GRIK1: variants seen among roughly 807,000 people sequenced by gnomAD.
The protein encoded by GRIK1 is glutamate receptor ionotropic, kainate 1.
A neutral mutation model predicts 105.7 loss-of-function variants in GRIK1; 69 were observed. That is an observed-to-expected ratio of 0.65 (90% CI 0.54 to 0.80). The LOEUF (loss-of-function observed/expected upper bound fraction) is 0.80. Among genes scored for constraint, GRIK1 ranks in the 30% least tolerant of loss-of-function variants. The probability of loss-of-function intolerance (pLI) is 0.00; values close to 1 mark genes in which losing one functional copy is unlikely to be tolerated. For synonymous variants in GRIK1, 438 were observed against 431.3 expected (o/e 1.02, Z -0.19); for missense variants, 1,109 against 1,167.3 (o/e 0.95, Z 0.73).
chr21:29,574,973 C>T (rs549479520), intron 14 of GRIK1, among the ~76,000 whole-genome samples: 6 of 151,944 alleles, frequency 3.9e-5, no homozygotes, highest in Non-Finnish European at 7.4e-5. Context: ...GGATTACAAG[C>T]GTGAGCCACC....
intron 1 of GRIK1, among the ~76,000 whole-genome samples, chr21:29,732,109 C>A (rs77640510): frequency 6.6e-6 from 1 of 152,086 alleles, no homozygotes; most frequent in South Asian, 2.1e-4. Context: ...ACTCTTTGAA[C>A]GACCGTTGTA....
intron 7 of GRIK1, among the ~76,000 whole-genome samples, chr21:29,620,122 A>G (rs895694590): frequency 1.3e-5 from 2 of 152,228 alleles, no homozygotes; most frequent in Admixed American, 6.5e-5. Flanking sequence ...TATAAAGCCT[A>G]TGATGTTAAG....
intron 1 of GRIK1, among the ~76,000 whole-genome samples, chr21:29,872,251 T>G (rs2069043182): frequency 6.8e-6 from 1 of 147,386 alleles, no homozygotes; most frequent in African/African-American, 2.5e-5. Context: ...TGGAGTGCAG[T>G]GGTGCGATCT....
chr21:29,587,799 A>T (rs1430738165), intron 11 of GRIK1, among the ~76,000 whole-genome samples: 1 of 152,094 alleles, frequency 6.6e-6, no homozygotes, highest in Non-Finnish European at 1.5e-5. Flanking sequence ...AGTATAAAAC[A>T]CACATATACA....
At chr21:29,759,345 C>T (rs1394912765) in intron 1 of GRIK1, among the ~76,000 whole-genome samples, 1 of 152,124 alleles carries the variant, frequency 6.6e-6, no homozygotes, top group Non-Finnish European at 1.5e-5. Context: ...TCTCAAGTCT[C>T]CTGATCTCGT....
intron 4 of GRIK1, among the ~76,000 whole-genome samples, chr21:29,655,819 G>A (rs2062836911): frequency 6.6e-6 from 1 of 151,930 alleles, no homozygotes; most frequent in Non-Finnish European, 1.5e-5. Context: ...TTCTGTGAGC[G>A]TGTATATTGT....
At chr21:29,729,614 T>C (rs772880827) in intron 1 of GRIK1, among the ~76,000 whole-genome samples, 9 of 152,114 alleles carry the variant, frequency 5.9e-5, no homozygotes, top group Non-Finnish European at 1.3e-4. Flanking sequence ...ATAAATTATA[T>C]AGGCTGTGAT....
At chr21:29,874,542 C>T (rs533258673) in intron 1 of GRIK1, among the ~76,000 whole-genome samples, 3 of 152,282 alleles carry the variant, frequency 2.0e-5, no homozygotes, top group South Asian at 2.1e-4. Context: ...TTCATTTGTT[C>T]GTCCGCCGCT....
At chr21:29,591,650 A>G (rs535717051) in intron 9 of GRIK1, among the ~76,000 whole-genome samples, 3 of 152,328 alleles carry the variant, frequency 2.0e-5, no homozygotes, top group South Asian at 2.1e-4. Context: ...CTTACATTCT[A>G]CTGATAGAAA....
intron 1 of GRIK1, among the ~76,000 whole-genome samples, chr21:29,823,196 T>C (rs2067353141): frequency 6.6e-6 from 1 of 151,982 alleles, no homozygotes; most frequent in South Asian, 2.1e-4. Flanking sequence ...TATTTAAATA[T>C]GTATATAAAT....
intron 7 of GRIK1, among the ~76,000 whole-genome samples, chr21:29,625,382 T>C (rs908959085): frequency 6.6e-6 from 1 of 152,236 alleles, no homozygotes; most frequent in Non-Finnish European, 1.5e-5. Context: ...AGAATTGTTC[T>C]GGATCCTTAG....
intron 1 of GRIK1, among the ~76,000 whole-genome samples, chr21:29,854,280 CTT>C (rs975626542): frequency 1.3e-5 from 2 of 152,072 alleles, no homozygotes; most frequent in African/African-American, 4.8e-5. Flanking sequence ...AGAATGTACT[CTT>C]TGCTTTGGTG....
chr21:29,620,262 G>A (rs1367833082), intron 7 of GRIK1, among the ~76,000 whole-genome samples: 1 of 152,122 alleles, frequency 6.6e-6, no homozygotes, highest in Non-Finnish European at 1.5e-5. Flanking sequence ...TTCAAATGTT[G>A]GATATTAACT....
intron 4 of GRIK1, among the ~76,000 whole-genome samples, chr21:29,666,133 G>A (rs997040444): frequency 6.6e-6 from 1 of 152,188 alleles, no homozygotes; most frequent in African/African-American, 2.4e-5. Flanking sequence ...GCCAGGCTTG[G>A]TGGCTCACGC....
intron 7 of GRIK1, among the ~76,000 whole-genome samples, chr21:29,631,430 A>T (rs774944763): frequency 2.0e-5 from 3 of 152,230 alleles, no homozygotes; most frequent in African/African-American, 7.2e-5. Context: ...TGGAAAGATA[A>T]CCATCTACAA....
intron 1 of GRIK1, among the ~76,000 whole-genome samples, chr21:29,910,535 A>G (rs903926174): frequency 5.9e-5 from 9 of 152,104 alleles, no homozygotes; most frequent in Non-Finnish European, 1.3e-4. Flanking sequence ...TTTTTCTTTG[A>G]CCTTGTGATA....
intron 1 of GRIK1, chr21:29,763,774 T>C (rs1469795341): frequency 6.6e-6 from 1 of 152,226 alleles, no homozygotes; most frequent in African/African-American, 2.4e-5. Flanking sequence ...AGAATGACTG[T>C]TGTTAATACA....
At chr21:29,824,786 A>G (rs929890476) in intron 1 of GRIK1, among the ~76,000 whole-genome samples, 5 of 152,026 alleles carry the variant, frequency 3.3e-5, no homozygotes, top group African/African-American at 1.2e-4. Context: ...TAATGGCAAT[A>G]CTATGGAGGG....
chr21:29,880,963 G>A (rs140202837), intron 1 of GRIK1, among the ~76,000 whole-genome samples: 3 of 151,970 alleles, frequency 2.0e-5, no homozygotes, highest in East Asian at 3.9e-4. Context: ...GGTTAGTAGT[G>A]CCCCAGGTTG....
Sources: allele counts gnomAD v4.1 joint callset (sites outside exome capture counted in the v4.1 genomes callset), GRCh38; gene constraint gnomAD v4.1.1; transcripts MANE v1.5; gene names NCBI Gene and HGNC (gene_info 2026-07-23, HGNC 2026-07-21).